Variants in ZNF385D observed in about 807,000 individuals in gnomAD.
The protein encoded by ZNF385D is zinc finger protein 385D, also known as zinc finger protein 659.
ZNF385D carries 15 observed loss-of-function variants against 35.8 expected under a neutral mutation model. The observed-to-expected ratio is 0.42, with a 90% CI of 0.28 to 0.64. The LOEUF (loss-of-function observed/expected upper bound fraction) is 0.64. ZNF385D is among the 30% of genes least tolerant of loss of function. The pLI is 0.23. For missense variants in ZNF385D, 474 were observed against 494.6 expected, an observed-to-expected ratio of 0.96 and a Z score of 0.39; for synonymous variants, 212 against 186.8, an observed-to-expected ratio of 1.13 and a Z score of -1.10.
At chr3:21,580,171 T>TCAAA (rs2063612316) in intron 2 of ZNF385D, among the ~76,000 whole-genome samples, 1 of 152,286 alleles carries the variant, frequency 6.6e-6, no homozygotes, top group East Asian at 1.9e-4. Flanking sequence ...AAGGAAAAGT[T>TCAAA]CAAACAATAA....
chr3:22,090,030 G>T (rs970991756), intron 3 of ZNF385D, among the ~76,000 whole-genome samples: 2 of 151,904 alleles, frequency 1.3e-5, no homozygotes, highest in African/African-American at 4.8e-5. Flanking sequence ...AGTAGAGACA[G>T]GGTTTCACCA....
In ZNF385D at chr3:21,751,116, G is replaced by A. The variant is rs1387355441; in HGVS notation, c.-200C>T. 2 of 1,467,812 alleles carry A rather than the reference G, an allele frequency of 1.4e-6. No individual in the cohort carries two copies. Among genetic ancestry groups the A allele is most frequent in the East Asian group, 2.5e-5 (1 of 40,158 alleles). 90.9% of individuals were successfully genotyped at this position (1,467,812 alleles called of 1,614,324 possible). A position where few individuals can be genotyped will look rare whatever the true frequency, so the allele number is the denominator to read the frequency against. On this transcript the variant is annotated 5_prime_UTR_variant, in exon 1 of 8. The change creates a premature stop within an existing upstream ORF in the 5' untranslated region. Transcript: ENST00000281523. ...TCCAGGGCTAAGATCCCCGGCGGCT[G>A]GAGAGTGCGCTCGGGCTGCCTGCTG...
intron 3 of ZNF385D, among the ~76,000 whole-genome samples, chr3:21,836,732 T>G (rs1695352496): frequency 1.3e-5 from 2 of 152,112 alleles, no homozygotes; most frequent in Non-Finnish European, 2.9e-5. Context: ...TTTATATACA[T>G]TTTACATATA....
intron 3 of ZNF385D, among the ~76,000 whole-genome samples, chr3:21,841,550 T>C (rs1309273637): frequency 6.6e-6 from 1 of 152,060 alleles, no homozygotes; most frequent in Non-Finnish European, 1.5e-5. Flanking sequence ...TCGTTTTAAT[T>C]GTATTATCCT....
chr3:22,126,426 A>T (rs1434617283), intron 3 of ZNF385D, among the ~76,000 whole-genome samples: 6 of 147,204 alleles, frequency 4.1e-5, no homozygotes, highest in Non-Finnish European at 9.0e-5. Context: ...AAGGAATTTT[A>T]AAATTTCCTT....
chr3:22,081,723 G>A (rs1186759626), intron 3 of ZNF385D, among the ~76,000 whole-genome samples: 2 of 152,144 alleles, frequency 1.3e-5, no homozygotes, highest in Admixed American at 1.3e-4. Flanking sequence ...GAGTTAAAAT[G>A]GCAGAGTAGT....
At chr3:21,708,377 A>G (rs1419863355) in intron 1 of ZNF385D, among the ~76,000 whole-genome samples, 4 of 152,200 alleles carry the variant, frequency 2.6e-5, no homozygotes, top group African/African-American at 9.6e-5. Context: ...CTTACCCAAG[A>G]TGGCACAGCT....
intron 2 of ZNF385D, among the ~76,000 whole-genome samples, chr3:22,228,044 T>C (rs772068946): frequency 9.9e-5 from 15 of 152,078 alleles, no homozygotes; most frequent in Non-Finnish European, 2.1e-4. Flanking sequence ...GTCTGCATCA[T>C]CCCAACTATG....
chr3:22,261,807 G>A (rs1334298994), intron 2 of ZNF385D, among the ~76,000 whole-genome samples: 1 of 151,978 alleles, frequency 6.6e-6, no homozygotes, highest in Non-Finnish European at 1.5e-5. Context: ...CTCTCTCTGA[G>A]TTTCTGAAAC....
chr3:21,451,531 T>C (rs1462355056), intron 4 of ZNF385D, among the ~76,000 whole-genome samples: 3 of 152,088 alleles, frequency 2.0e-5, no homozygotes, highest in African/African-American at 7.2e-5. Flanking sequence ...TCCAACAATC[T>C]AGCTTGCTAG....
intron 2 of ZNF385D, among the ~76,000 whole-genome samples, chr3:21,567,933 T>C (rs2063206289): frequency 6.6e-6 from 1 of 152,182 alleles, no homozygotes; most frequent in Non-Finnish European, 1.5e-5. Flanking sequence ...AAATGTAATA[T>C]AGTCTTTAGA....
In ZNF385D at chr3:21,464,743, A is replaced by AAC. The variant is rs6147726; in HGVS notation, c.440-27542_440-27541dup. Among the ~76,000 whole-genome samples the AAC allele has an allele frequency of 2.2e-4, 33 of 150,316 alleles. No homozygotes were observed. In the Middle Eastern group the frequency reaches 0.01, roughly 46 times the overall value. On this transcript the variant is annotated intron_variant, in intron 4 of 7. Coordinates refer to ENST00000281523, the MANE Select transcript of ZNF385D (RefSeq NM_024697.3). Reference sequence around the variant, plus strand: ...TTACAGCTGCCAAAAAATAAATTAAAACACACACACACACACTTATGCAAC... The same window carrying AAC: ...TTACAGCTGCCAAAAAATAAATTAAAACACACACACACACACACTTATGCAAC...
intron 2 of ZNF385D, among the ~76,000 whole-genome samples, chr3:22,240,647 T>C (rs1309743058): frequency 6.6e-6 from 1 of 151,016 alleles, no homozygotes; most frequent in Non-Finnish European, 1.5e-5. Flanking sequence ...TTGCAGCAAT[T>C]GACCCACAAT....
rs573002219 is a variant in ZNF385D, at chr3:21,487,373, A to G, written c.439+23488T>C. On this transcript the variant is annotated intron_variant, in intron 4 of 7. Transcript: ENST00000281523. ...TGTTAGAATTAATTATATGGCCCCA[A>G]TATAAATGTTAGAGGGGCTCAAACA... 1.2e-3 allele frequency among the ~76,000 whole-genome samples: 177 copies of G among 152,208 alleles called. 1 individual carries two copies. The highest frequency in any genetic ancestry group is 4.2e-3 in the African/African-American group (174 of 41,554).
chr3:21,521,785 A>G (rs1707924648), intron 3 of ZNF385D, among the ~76,000 whole-genome samples: 1 of 152,172 alleles, frequency 6.6e-6, no homozygotes, highest in African/African-American at 2.4e-5. Flanking sequence ...ATAAAAAAAT[A>G]CCATAGGCAA....
In ZNF385D at chr3:22,020,342, T is replaced by A. The variant is rs139942283; in HGVS notation, c.325+148475A>T. 4.3e-4 allele frequency among the ~76,000 whole-genome samples: 66 copies of A among 152,048 alleles called. No individual in the cohort carries two copies. In the East Asian group the frequency reaches 0.012, roughly 28 times the overall value. The stretch of plus-strand genomic sequence containing the variant: ...TATGTTGGTGAAAGCTTTTTTTTCT[T>A]TTCCTATTATTTTTAAATTTTTTCT... On this transcript the variant is annotated intron_variant, in intron 3 of 5. Transcript: ENST00000494108.
chr3:22,085,097 G>A (rs1029229808), intron 3 of ZNF385D, among the ~76,000 whole-genome samples: 1 of 152,180 alleles, frequency 6.6e-6, no homozygotes, highest in African/African-American at 2.4e-5. Context: ...GAAATTTATA[G>A]CACTAAATGC....
At chr3:22,218,858 G>C (rs561906219) in intron 2 of ZNF385D, among the ~76,000 whole-genome samples, 1 of 152,174 alleles carries the variant, frequency 6.6e-6, no homozygotes, top group South Asian at 2.1e-4. Context: ...GTTGATCTGA[G>C]ATATCTAGGT....
At chr3:21,772,265 G>T (rs1241968988) in intron 3 of ZNF385D, among the ~76,000 whole-genome samples, 2 of 151,764 alleles carry the variant, frequency 1.3e-5, no homozygotes, top group Non-Finnish European at 2.9e-5. Flanking sequence ...TTCTCCAAAA[G>T]ATACTATCAG....
Sources: allele counts gnomAD v4.1 joint callset (sites outside exome capture counted in the v4.1 genomes callset), GRCh38; gene constraint gnomAD v4.1.1; transcripts MANE v1.5; gene names NCBI Gene and HGNC (gene_info 2026-07-23, HGNC 2026-07-21).